MACROD2: variants seen among roughly 807,000 people sequenced by gnomAD.
MACROD2 encodes mono-ADP ribosylhydrolase 2, also known as ADP-ribose glycohydrolase MACROD2.
In MACROD2, 36 loss-of-function variants were observed where a neutral mutation model predicts 70.4. The observed-to-expected ratio is 0.51, with a 90% CI of 0.39 to 0.68. MACROD2 has a LOEUF of 0.68. Among genes scored for constraint, MACROD2 ranks in the 30% least tolerant of loss-of-function variants. The pLI is 0.00. For missense variants in MACROD2, 496 were observed against 538.4 expected, an observed-to-expected ratio of 0.92 and a Z score of 0.78; for synonymous variants, 172 against 178.8, an observed-to-expected ratio of 0.96 and a Z score of 0.30.
intron 4 of MACROD2, among the ~76,000 whole-genome samples, chr20:14,589,282 T>A (rs1981599579): frequency 6.6e-6 from 1 of 152,172 alleles, no homozygotes; most frequent in African/African-American, 2.4e-5. Context: ...AAATCGCTAT[T>A]CTTTTAAAAT....
intron 12 of MACROD2, among the ~76,000 whole-genome samples, chr20:15,939,653 G>C (rs6043629): frequency 0.7 from 105,709 of 151,172 alleles, 37,210 homozygotes; most frequent in Non-Finnish European, 0.75. Flanking sequence ...ATGTATCAGG[G>C]AGTAATTTTG....
At chr20:14,346,556 T>C (rs1211454345) in intron 3 of MACROD2, among the ~76,000 whole-genome samples, 4 of 152,236 alleles carry the variant, frequency 2.6e-5, no homozygotes, top group Non-Finnish European at 5.9e-5. Context: ...GTATTCAGGC[T>C]CAGAGAGGTT....
chr20:15,097,000 C>T (rs2075838686), intron 5 of MACROD2, among the ~76,000 whole-genome samples: 1 of 151,694 alleles, frequency 6.6e-6, no homozygotes, highest in Non-Finnish European at 1.5e-5. Flanking sequence ...TTAGTAAAGA[C>T]AGGGTTTCAC....
At chr20:14,292,431 T>G (rs1022749864) in intron 3 of MACROD2, among the ~76,000 whole-genome samples, 1 of 151,850 alleles carries the variant, frequency 6.6e-6, no homozygotes, top group Non-Finnish European at 1.5e-5. Context: ...CAACAAAGAA[T>G]TATGCAGTCC....
At chr20:15,147,309 GA>G (rs1220327294) in intron 5 of MACROD2, among the ~76,000 whole-genome samples, 3 of 152,072 alleles carry the variant, frequency 2.0e-5, no homozygotes, top group Non-Finnish European at 4.4e-5. Flanking sequence ...CTATAGACTG[GA>G]TTTGATTGAA....
intron 5 of MACROD2, among the ~76,000 whole-genome samples, chr20:14,910,445 C>T (rs1055426449): frequency 6.6e-6 from 1 of 152,146 alleles, no homozygotes; most frequent in Non-Finnish European, 1.5e-5. Context: ...AATTTTCTCC[C>T]AGCTTTTCAA....
Position 14,412,254 on chromosome 20 carries a change from G to C in MACROD2, c.272-81225G>C, listed in dbSNP as rs78417321. Among the ~76,000 whole-genome samples the C allele has an allele frequency of 2.0e-5, 3 of 152,080 alleles. No individual in the cohort carries two copies. The East Asian group carries it at 5.8e-4, about 29-fold the overall frequency. On this transcript the variant is annotated intron_variant, in intron 3 of 17. Transcript: ENST00000684519. ...GACCCTGGGCCCTTTGGGAATTCCC[G>C]TCCCCCCTAGGCCCTTCTGGAGCCA... is the stretch of plus-strand genomic sequence containing the variant.
At chr20:15,967,518 A>G in intron 12 of MACROD2, 35 bp from the exon 13 acceptor site, 1 of 1,566,584 alleles carries the variant, frequency 6.4e-7, no homozygotes, top group South Asian at 1.2e-5. Context: ...CCAAGTTAAA[A>G]ATGCTGACCA....
chr20:15,432,953 C>T (rs533109448), intron 7 of MACROD2, among the ~76,000 whole-genome samples: 13 of 151,734 alleles, frequency 8.6e-5, no homozygotes, highest in Non-Finnish European at 1.6e-4. Context: ...TTAGAGGCTC[C>T]AATATGATCA....
chr20:14,682,485 A>G (rs1480262506), intron 4 of MACROD2, among the ~76,000 whole-genome samples: 5 of 151,416 alleles, frequency 3.3e-5, no homozygotes, highest in Admixed American at 6.6e-5. Flanking sequence ...ATATATATGT[A>G]TATTCAGTAC....
intron 3 of MACROD2, among the ~76,000 whole-genome samples, chr20:14,463,980 T>G (rs1352663240): frequency 6.6e-6 from 1 of 152,050 alleles, no homozygotes; most frequent in Non-Finnish European, 1.5e-5. Context: ...ATCAAGGATA[T>G]TGGTCTAAAA....
At chr20:14,845,081 C>G (rs2073125943) in intron 5 of MACROD2, among the ~76,000 whole-genome samples, 1 of 152,068 alleles carries the variant, frequency 6.6e-6, no homozygotes, top group Non-Finnish European at 1.5e-5. Context: ...ACTAACCACC[C>G]CCAGCAAAAG....
intron 4 of MACROD2, among the ~76,000 whole-genome samples, chr20:14,651,034 A>T (rs1025945890): frequency 1.3e-5 from 2 of 152,202 alleles, no homozygotes; most frequent in African/African-American, 4.8e-5. Flanking sequence ...ACTCCATAGA[A>T]TATTAGGTCT....
chr20:14,008,644 A>G (rs536204032), intron 2 of MACROD2, among the ~76,000 whole-genome samples: 9 of 152,340 alleles, frequency 5.9e-5, no homozygotes, highest in Non-Finnish European at 1.3e-4. Flanking sequence ...GAACCAAAAA[A>G]GAGCCCAAAT....
At chr20:14,879,946 A>G (rs1261000963) in intron 5 of MACROD2, among the ~76,000 whole-genome samples, 1 of 152,278 alleles carries the variant, frequency 6.6e-6, no homozygotes, top group East Asian at 1.9e-4. Flanking sequence ...ATCTTTTGCA[A>G]ATCTTAGTAG....
At chr20:14,494,497 C>T (rs2045021225) in intron 4 of MACROD2, among the ~76,000 whole-genome samples, 1 of 151,680 alleles carries the variant, frequency 6.6e-6, no homozygotes, top group Non-Finnish European at 1.5e-5. Flanking sequence ...CGTATTATCA[C>T]ATGTCAGTGC....
At chr20:14,900,509 T>C (rs2073882262) in intron 5 of MACROD2, among the ~76,000 whole-genome samples, 1 of 152,098 alleles carries the variant, frequency 6.6e-6, no homozygotes, top group South Asian at 2.1e-4. Context: ...TATTTAGACT[T>C]TCTGTTTCTT....
At chr20:15,333,340 A>G (rs902142122) in intron 6 of MACROD2, among the ~76,000 whole-genome samples, 1 of 151,670 alleles carries the variant, frequency 6.6e-6, no homozygotes, top group Non-Finnish European at 1.5e-5. Flanking sequence ...TGCCTCTTTC[A>G]GCTAAAGAGC....
At chr20:15,625,796 C>G (rs1898185276) in intron 8 of MACROD2, among the ~76,000 whole-genome samples, 1 of 148,256 alleles carries the variant, frequency 6.7e-6, no homozygotes, top group Non-Finnish European at 1.5e-5. Context: ...CTCTTTCCAG[C>G]AATACATGCA....
Sources: gnomAD v4.1 joint callset for allele counts (sites outside exome capture counted in the v4.1 genomes callset) on GRCh38, gnomAD v4.1.1 for gene constraint, MANE v1.5 for transcripts, NCBI Gene and HGNC (gene_info 2026-07-23, HGNC 2026-07-21) for gene names.